The following KSR2 variants were observed in gnomAD, a reference collection of about 807,000 sequenced individuals.
KSR2 encodes the protein kinase suppressor of ras 2.
KSR2 carries 25 observed loss-of-function variants against 107.8 expected under a neutral mutation model. The observed-to-expected ratio is 0.23, with a 90% CI of 0.17 to 0.32. The LOEUF (loss-of-function observed/expected upper bound fraction) is 0.32, where lower values mean the gene tolerates loss of function less well. KSR2 is among the 10% of genes least tolerant of loss of function. The probability of loss-of-function intolerance (pLI) is 1.00; values close to 1 mark genes in which losing one functional copy is unlikely to be tolerated. For missense variants in KSR2, 887 were observed against 1,268.9 expected, an observed-to-expected ratio of 0.70 and a Z score of 4.57; for synonymous variants, 480 against 507.0, an observed-to-expected ratio of 0.95 and a Z score of 0.71.
At chr12:117,556,980 C>T (rs1043352088) in intron 8 of KSR2, among the ~76,000 whole-genome samples, 10 of 152,108 alleles carry the variant, frequency 6.6e-5, no homozygotes, top group African/African-American at 2.4e-4. Flanking sequence ...GCCTGACCCA[C>T]ATGGTGAAAC....
chr12:117,629,719 T>A (rs1309854940), intron 5 of KSR2, among the ~76,000 whole-genome samples: 1 of 152,178 alleles, frequency 6.6e-6, no homozygotes. Flanking sequence ...GCAATCAACA[T>A]CCTCAACAAC....
intron 7 of KSR2, among the ~76,000 whole-genome samples, chr12:117,561,971 C>T (rs1287964690): frequency 1.3e-5 from 2 of 152,124 alleles, no homozygotes; most frequent in Non-Finnish European, 2.9e-5. Flanking sequence ...AATGCAGCCT[C>T]TCTGTTTATG....
intron 5 of KSR2, among the ~76,000 whole-genome samples, chr12:117,628,908 G>T (rs1882668990): frequency 6.6e-6 from 1 of 152,360 alleles, no homozygotes; most frequent in Non-Finnish European, 1.5e-5. Flanking sequence ...CTTTAGCAAT[G>T]GTGGCTGCCC....
intron 4 of KSR2, among the ~76,000 whole-genome samples, chr12:117,749,476 A>G (rs1197690704): frequency 3.4e-5 from 5 of 148,838 alleles, no homozygotes; most frequent in African/African-American, 1.2e-4. Context: ...TCGATATACC[A>G]TAGGAAAAAA....
chr12:117,949,710 T>C (rs557195721), intron 1 of KSR2, among the ~76,000 whole-genome samples: 5 of 152,340 alleles, frequency 3.3e-5, no homozygotes, highest in Non-Finnish European at 7.3e-5. Flanking sequence ...CAGGCAAAAT[T>C]CATCTATGGT....
chr12:117,527,254 G>A (rs1875237247), intron 12 of KSR2, 135 bp from the exon 13 acceptor site: 1 of 648,304 alleles, frequency 1.5e-6, no homozygotes, highest in Non-Finnish European at 2.8e-6. Context: ...ATTTCAACAG[G>A]TGTGTCTGAA....
Position 117,466,310 on chromosome 12 carries a change from G to C in KSR2, c.*889C>G, listed in dbSNP as rs1418443001. ...GGAATGTCCTAGAACTCCCTGCCCA[G>C]AGCCCTGATTCTCAGGGACCAGACT... On this transcript the variant is annotated 3_prime_UTR_variant, in exon 20 of 20. Coordinates refer to ENST00000339824, the MANE Select transcript of KSR2 (RefSeq NM_173598.6). The C allele has an allele frequency of 6.6e-6, 1 of 152,166 alleles. No individual in the cohort carries two copies. Among genetic ancestry groups the C allele is most frequent in the Admixed American group, 6.5e-5 (1 of 15,282 alleles). 9.4% of individuals were successfully genotyped at this position (152,166 alleles called of 1,614,324 possible).
chr12:117,473,176 C>T (rs573363834), intron 17 of KSR2, among the ~76,000 whole-genome samples: 3 of 152,168 alleles, frequency 2.0e-5, no homozygotes, highest in Non-Finnish European at 4.4e-5. Context: ...CTCACATTTC[C>T]TCTGCCTCCA....
chr12:117,535,605 TGTG>T (rs1315679696), intron 10 of KSR2, among the ~76,000 whole-genome samples: 1 of 3,264 alleles, frequency 3.1e-4, no homozygotes, highest in Non-Finnish European at 5.7e-4. Context: ...TTCCTGGAGT[TGTG>T]TGTGTGTGTG....
chr12:117,700,047 A>ATTTTT (rs111936904), intron 4 of KSR2, among the ~76,000 whole-genome samples: 1 of 148,202 alleles, frequency 6.7e-6, no homozygotes, highest in Non-Finnish European at 1.5e-5. Flanking sequence ...TAATTTTGGT[A>ATTTTT]CTTTTTTTTT....
chr12:117,720,272 C>G (rs1332585012), intron 4 of KSR2, among the ~76,000 whole-genome samples: 1 of 152,174 alleles, frequency 6.6e-6, no homozygotes, highest in East Asian at 1.9e-4. Flanking sequence ...CACCAATGAT[C>G]TAGGCTGATG....
chr12:117,476,544 T>C lies in KSR2; in HGVS notation c.2502A>G (p.Pro834=), dbSNP rs537412802. Residue 834 remains proline, a synonymous_variant, in exon 17 of 20, where the codon CCA becomes CCG. Transcript: ENST00000339824. ...IQNGWLCHLA[P]EIIRQLSPDT... is the part of the protein sequence containing the mutation. Reference sequence around the variant, plus strand: ...CGGGGGACAGCTGGCGGATGATCTCTGGTGCCAGGTGGCATAGCCAGCCAT... The same window carrying C: ...CGGGGGACAGCTGGCGGATGATCTCCGGTGCCAGGTGGCATAGCCAGCCAT... 1.2e-6 allele frequency: 2 copies of C among 1,610,920 alleles called. No homozygotes were observed. The highest frequency in any genetic ancestry group is 1.1e-5 in the South Asian group (1 of 89,922).
chr12:117,515,190 G>A (rs1459966729), intron 14 of KSR2, among the ~76,000 whole-genome samples: 1 of 152,186 alleles, frequency 6.6e-6, no homozygotes, highest in African/African-American at 2.4e-5. Flanking sequence ...CACAGTAAGT[G>A]AGTGGGGAAA....
At chr12:117,818,021 A>G (rs1266697854) in intron 3 of KSR2, among the ~76,000 whole-genome samples, 2 of 152,170 alleles carry the variant, frequency 1.3e-5, no homozygotes, top group Non-Finnish European at 2.9e-5. Context: ...GAATCACTTG[A>G]ACCCAGGAGA....
chr12:117,909,084 C>CTT (rs1894940337), intron 1 of KSR2, among the ~76,000 whole-genome samples: 1 of 152,238 alleles, frequency 6.6e-6, no homozygotes, highest in Non-Finnish European at 1.5e-5. Context: ...TATGCGTGTC[C>CTT]TTATACCAGT....
chr12:117,778,145 C>T (rs73215929), intron 3 of KSR2, among the ~76,000 whole-genome samples: 1 of 152,120 alleles, frequency 6.6e-6, no homozygotes, highest in African/African-American at 2.4e-5. Flanking sequence ...GAGATGAAGT[C>T]TCTCTCTGTT....
intron 1 of KSR2, among the ~76,000 whole-genome samples, chr12:117,929,624 C>T (rs371468115): frequency 6.6e-5 from 10 of 152,016 alleles, no homozygotes; most frequent in African/African-American, 1.5e-4. Context: ...TGTCAGTAGA[C>T]GAATGGATAA....
chr12:117,876,436 A>T (rs1271448378), intron 1 of KSR2, among the ~76,000 whole-genome samples: 1 of 152,226 alleles, frequency 6.6e-6, no homozygotes, highest in African/African-American at 2.4e-5. Context: ...GCTGGAACAC[A>T]GGCAGCTGCC....
chr12:117,481,228 A>G (rs896763336), intron 16 of KSR2, among the ~76,000 whole-genome samples: 6 of 152,194 alleles, frequency 3.9e-5, no homozygotes, highest in African/African-American at 1.4e-4. Flanking sequence ...TGTGTTAAAC[A>G]CAAGTTTCTG....
Sources: gnomAD v4.1 joint callset for allele counts (sites outside exome capture counted in the v4.1 genomes callset) on GRCh38, gnomAD v4.1.1 for gene constraint, MANE v1.5 for transcripts, NCBI Gene and HGNC (gene_info 2026-07-23, HGNC 2026-07-21) for gene names.